The following DLGAP4 variants were observed in gnomAD, a reference collection of about 807,000 sequenced individuals.
DLGAP4 encodes the protein disks large-associated protein 4.
In DLGAP4, 18 loss-of-function variants were observed where a neutral mutation model predicts 86.9. That is an observed-to-expected ratio of 0.21 (90% confidence interval 0.14 to 0.31). DLGAP4 has a LOEUF of 0.31. Ranked by LOEUF, DLGAP4 falls within the 10% of genes least tolerant of loss-of-function variation. The pLI is 1.00. For synonymous variants in DLGAP4, 548 were observed against 574.3 expected (o/e 0.95, Z 0.65); for missense variants, 1,085 against 1,362.6 (o/e 0.80, Z 3.21).
chr20:36,334,172 T>C (rs900444550), intron 1 of DLGAP4, among the ~76,000 whole-genome samples: 11 of 152,016 alleles, frequency 7.2e-5, no homozygotes, highest in Non-Finnish European at 1.6e-4. Context: ...AGGTGGAGGG[T>C]GGGCAGACCA....
chr20:36,497,173 GTCTC>G (rs2035924403), intron 8 of DLGAP4, 107 bp downstream of exon 8: 4 of 1,492,674 alleles, frequency 2.7e-6, no homozygotes, highest in South Asian at 2.8e-5. Flanking sequence ...AAGGTGGTTT[GTCTC>G]TCTATTTTGG....
intron 1 of DLGAP4, among the ~76,000 whole-genome samples, chr20:36,349,279 G>A (rs191090982): frequency 3.3e-5 from 5 of 151,842 alleles, no homozygotes; most frequent in African/African-American, 4.8e-5. Flanking sequence ...ATAGCCAGGC[G>A]TGGTGGCAGG....
chr20:36,417,008 G>A (rs193272602), intron 2 of DLGAP4, among the ~76,000 whole-genome samples: 5 of 152,214 alleles, frequency 3.3e-5, no homozygotes, highest in South Asian at 2.1e-4. Flanking sequence ...AAACAGGTGC[G>A]GTCCCTCCCC....
intron 2 of DLGAP4, among the ~76,000 whole-genome samples, chr20:36,398,735 G>A (rs1363464469): frequency 1.3e-5 from 2 of 152,202 alleles, no homozygotes; most frequent in Non-Finnish European, 2.9e-5. Context: ...ACCTGCCCAA[G>A]GTCACACAGC....
At chr20:36,388,417 G>A (rs184559553) in intron 2 of DLGAP4, among the ~76,000 whole-genome samples, 1 of 152,098 alleles carries the variant, frequency 6.6e-6, no homozygotes, top group Non-Finnish European at 1.5e-5. Flanking sequence ...AGCTCCTGGA[G>A]CCCCCAGAAC....
At chr20:36,359,234 C>T (rs1297517089) in intron 1 of DLGAP4, among the ~76,000 whole-genome samples, 2 of 152,314 alleles carry the variant, frequency 1.3e-5, no homozygotes, top group Middle Eastern at 3.4e-3. Context: ...ATTCTCGTGC[C>T]TCAGCCTCCC....
intron 10 of DLGAP4, among the ~76,000 whole-genome samples, chr20:36,505,644 C>T (rs1458446129): frequency 6.6e-6 from 1 of 152,078 alleles, no homozygotes; most frequent in Admixed American, 6.6e-5. Flanking sequence ...GGCATGATGG[C>T]ATGTGCCTGT....
intron 2 of DLGAP4, among the ~76,000 whole-genome samples, chr20:36,399,011 G>C (rs1163112161): frequency 1.3e-5 from 2 of 152,136 alleles, no homozygotes; most frequent in African/African-American, 4.8e-5. Context: ...TGGGCAACAA[G>C]GCAAAACCCT....
chr20:36,447,077 A>T (rs1400843020), intron 7 of DLGAP4, 140 bp downstream of exon 7: 1 of 1,435,222 alleles, frequency 7.0e-7, no homozygotes, highest in Non-Finnish European at 9.1e-7. Flanking sequence ...TGGGAGCAAA[A>T]GCAGGAGGCC....
chr20:36,493,173 G>A (rs562484216), intron 7 of DLGAP4: 1 of 152,298 alleles, frequency 6.6e-6, no homozygotes, highest in African/African-American at 2.4e-5. Context: ...AGGAAACTGG[G>A]GCCATACAAC....
intron 2 of DLGAP4, among the ~76,000 whole-genome samples, chr20:36,394,738 C>T (rs943091360): frequency 6.6e-6 from 1 of 151,738 alleles, no homozygotes; most frequent in Non-Finnish European, 1.5e-5. Flanking sequence ...CCTGCCTTGC[C>T]TCCCACGTTC....
chr20:36,365,221 G>A (rs573497981), intron 1 of DLGAP4, among the ~76,000 whole-genome samples: 3 of 152,232 alleles, frequency 2.0e-5, no homozygotes, highest in African/African-American at 4.8e-5. Flanking sequence ...GCACCCTGCC[G>A]TGCTGGGCAC....
At position 36,448,060 on chromosome 20, in the gene DLGAP4, C is replaced by T. The variant is rs1330310063; in HGVS notation, c.1648+1123C>T. Among the ~76,000 whole-genome samples, 7 of 146,858 alleles carry T rather than the reference C, an allele frequency of 4.8e-5. No homozygotes were observed. In the South Asian group the frequency reaches 8.5e-4, roughly 18 times the overall value. ...AGATGGTCAAAAAAAAAAAAAAAGA[C>T]GTAATAGAAAATTAGCTGGGTGCAG... On this transcript the variant is annotated intron_variant, in intron 7 of 12. Transcript: ENST00000339266.
At chr20:36,514,110 C>T (rs776222475) in intron 10 of DLGAP4, among the ~76,000 whole-genome samples, 21 of 152,060 alleles carry the variant, frequency 1.4e-4, no homozygotes, top group Admixed American at 7.2e-4. Context: ...GAGGAATAAA[C>T]AGCAAGATCA....
chr20:36,528,160 C>A lies in DLGAP4; in HGVS notation c.*1129C>A, dbSNP rs559770304. 6.6e-6 allele frequency: 1 copy of A among 151,350 alleles called. No individual in the cohort carries two copies. The highest frequency in any genetic ancestry group is 2.4e-5 in the African/African-American group (1 of 40,820). 9.4% of individuals were successfully genotyped at this position (151,350 alleles called of 1,614,324 possible). ...CCTTTTTTTTTTTGGTCTCCACCCC[C>A]CTCCCCCCGCCCCGCACTCCTAAGG... is the stretch of plus-strand genomic sequence containing the variant. On this transcript the variant is annotated 3_prime_UTR_variant, in exon 13 of 13. Transcript: ENST00000339266.
In DLGAP4 at chr20:36,432,177, G is replaced by A; in HGVS notation, c.460G>A (p.Ala154Thr). The A allele has an allele frequency of 1.2e-6, 2 of 1,614,186 alleles. No homozygotes were observed. The highest frequency in any genetic ancestry group is 2.7e-5 in the African/African-American group (2 of 75,070). The change falls in exon 3 of 13, where the codon GCA becomes ACA. Residue 154 changes from alanine to threonine, a missense_variant. Ala to Thr is a moderately conservative substitution (Grantham distance 58, BLOSUM62 0). This residue lies in a region of DLGAP4 where 1,082 missense variants were observed against 1,344.1 expected (regional missense o/e 0.81). Transcript: ENST00000339266. The surrounding 1 kb of genome is among the most constrained non-coding windows in gnomAD (Gnocchi z 6.5). ...AGTCCAGCGGCTTTTCTTCACCAAG[G>A]CACCCTCACTGGAGGGCACAGCGGG... ...HSVQRLFFTK[A>T]PSLEGTAGKV...
At chr20:36,373,322 T>A (rs1308915110) in intron 2 of DLGAP4, among the ~76,000 whole-genome samples, 1 of 152,226 alleles carries the variant, frequency 6.6e-6, no homozygotes, top group Non-Finnish European at 1.5e-5. Context: ...TCTGGGTTGT[T>A]TCCATGTTCT....
intron 2 of DLGAP4, among the ~76,000 whole-genome samples, chr20:36,382,254 G>A (rs887056129): frequency 5.9e-5 from 9 of 152,072 alleles, no homozygotes; most frequent in African/African-American, 2.2e-4. Context: ...GAGTCTTGCT[G>A]TCTCTCCCAG....
rs568540820 is a variant in DLGAP4, at chr20:36,460,870, G to C, written c.1648+13933G>C. Reference sequence around the variant, plus strand: ...CTCAGGGAAGTTGAATGCGGATGTTGTTCAAGATCACACAGGCCTCCAGAG... The same window carrying C: ...CTCAGGGAAGTTGAATGCGGATGTTCTTCAAGATCACACAGGCCTCCAGAG... On this transcript the variant is annotated intron_variant, in intron 7 of 12. Transcript: ENST00000339266. 1.4e-4 allele frequency among the ~76,000 whole-genome samples: 21 copies of C among 152,352 alleles called. No homozygotes were observed. In the South Asian group the frequency reaches 4.1e-3, roughly 30 times the overall value.
Sources: allele counts gnomAD v4.1 joint callset (sites outside exome capture counted in the v4.1 genomes callset), GRCh38; gene constraint gnomAD v4.1.1; regional missense constraint gnomAD v4.1.1; non-coding constraint Gnocchi (gnomAD v3.1); transcripts MANE v1.5; gene names NCBI Gene and HGNC (gene_info 2026-07-23, HGNC 2026-07-21).